Variants in EFR3A observed in about 807,000 individuals in gnomAD.
EFR3A encodes protein EFR3 homolog A.
Under a neutral mutation model 104.4 loss-of-function variants are expected in EFR3A, and 76 were observed. The observed-to-expected ratio is 0.73, with a 90% CI of 0.60 to 0.88. The LOEUF (loss-of-function observed/expected upper bound fraction) is 0.88, where lower values mean the gene tolerates loss of function less well. Among genes scored for constraint, EFR3A ranks in the 40% least tolerant of loss-of-function variants. EFR3A has a pLI of 0.00. For synonymous variants in EFR3A, 330 were observed against 330.0 expected (o/e 1.00, Z 0.00); for missense variants, 985 against 1,012.5 (o/e 0.97, Z 0.37).
intron 19 of EFR3A, among the ~76,000 whole-genome samples, chr8:131,996,722 A>G (rs1029278180): frequency 3.2e-4 from 48 of 152,200 alleles, no homozygotes; most frequent in Non-Finnish European, 5.7e-4. Flanking sequence ...CTAACATTAT[A>G]TGTTATGATG....
chr8:132,005,922 G>A (rs1822021604), intron 22 of EFR3A, among the ~76,000 whole-genome samples: 1 of 152,084 alleles, frequency 6.6e-6, no homozygotes, highest in African/African-American at 2.4e-5. Context: ...TATTGAGTAT[G>A]TTCTCTTGCC....
intron 8 of EFR3A, among the ~76,000 whole-genome samples, chr8:131,966,894 A>G (rs976352050): frequency 2.6e-5 from 4 of 152,070 alleles, no homozygotes; most frequent in African/African-American, 7.2e-5. Flanking sequence ...CTTTCACTCC[A>G]TATTCTTTTG....
chr8:132,008,007 CAT>C (rs920496970), intron 22 of EFR3A, among the ~76,000 whole-genome samples: 2 of 151,860 alleles, frequency 1.3e-5, no homozygotes, highest in Non-Finnish European at 2.9e-5. Context: ...TAAAAGAAAA[CAT>C]AGGAAAGAGT....
chr8:131,978,356 C>G lies in EFR3A; in HGVS notation c.1327-491C>G, dbSNP rs558436047. ...TACTCTTAAATGTCAAATCAAGTAA[C>G]TAAGTACAGCTTTCCAAAATGAAAA... On this transcript the variant is annotated intron_variant, in intron 12 of 22. Coordinates refer to ENST00000254624, the MANE Select transcript of EFR3A (RefSeq NM_015137.6). 1.8e-3 allele frequency among the ~76,000 whole-genome samples: 280 copies of G among 152,256 alleles called. 2 individuals are homozygous for G. The highest frequency in any genetic ancestry group is 6.5e-3 in the African/African-American group (272 of 41,568).
At chr8:132,001,134 T>C (rs1195111564) in intron 19 of EFR3A, 1 of 152,244 alleles carries the variant, frequency 6.6e-6, no homozygotes, top group Non-Finnish European at 1.5e-5. Context: ...ATTTCATACC[T>C]TTTTATGTAT....
chr8:131,908,281 C>T (rs2130367403), intron 1 of EFR3A, among the ~76,000 whole-genome samples: 1 of 152,136 alleles, frequency 6.6e-6, no homozygotes, highest in Admixed American at 6.5e-5. Flanking sequence ...AGGATGGTCT[C>T]AATCTCCTGA....
At chr8:131,968,227 T>A in intron 8 of EFR3A, 68 bp from the exon 9 acceptor site, 2 of 1,488,464 alleles carry the variant, frequency 1.3e-6, no homozygotes, top group Non-Finnish European at 1.8e-6. Flanking sequence ...GTGTTTTTTT[T>A]ATTCTTAGGA....
intron 1 of EFR3A, 134 bp downstream of exon 1, chr8:131,904,456 G>A (rs1349680824): frequency 3.3e-6 from 3 of 919,634 alleles, no homozygotes; most frequent in Non-Finnish European, 4.3e-6. Context: ...TGCGAGCGGC[G>A]GAGTTAGTTT....
chr8:131,949,393 C>T (rs1220054049), intron 4 of EFR3A, among the ~76,000 whole-genome samples: 10 of 152,048 alleles, frequency 6.6e-5, no homozygotes, highest in Non-Finnish European at 1.0e-4. Flanking sequence ...TTTCTTAATT[C>T]GAAGCTTGTG....
intron 5 of EFR3A, among the ~76,000 whole-genome samples, chr8:131,951,448 A>G (rs374211809): frequency 2.0e-5 from 3 of 152,242 alleles, no homozygotes; most frequent in African/African-American, 7.2e-5. Flanking sequence ...TTAAATGTTT[A>G]TGAGACTATT....
At chr8:131,908,064 T>C (rs1760915075) in intron 1 of EFR3A, among the ~76,000 whole-genome samples, 2 of 151,790 alleles carry the variant, frequency 1.3e-5, no homozygotes, top group Admixed American at 1.3e-4. Flanking sequence ...GAGGTTTTTT[T>C]TTTTTTCTTT....
chr8:131,918,558 A>G (rs1250929871), intron 1 of EFR3A, among the ~76,000 whole-genome samples: 1 of 152,212 alleles, frequency 6.6e-6, no homozygotes, highest in Non-Finnish European at 1.5e-5. Flanking sequence ...TAGAGAAATT[A>G]CTTAAAATAT....
chr8:131,908,057 GT>G (rs113534228), intron 1 of EFR3A, among the ~76,000 whole-genome samples: 5,990 of 144,986 alleles, frequency 0.041, 270 homozygotes, highest in African/African-American at 0.11. Flanking sequence ...AGAATTTGAG[GT>G]TTTTTTTTTT....
At chr8:131,939,266 ACCCAGC>A (rs1222504240) in intron 1 of EFR3A, among the ~76,000 whole-genome samples, 1 of 152,064 alleles carries the variant, frequency 6.6e-6, no homozygotes, top group African/African-American at 2.4e-5. Context: ...AAAGTAACGC[ACCCAGC>A]CCAGCTGGAC....
chr8:131,913,132 G>GTT lies in EFR3A; in HGVS notation c.10+8825_10+8826dup, dbSNP rs5895116. On this transcript the variant is annotated intron_variant, in intron 1 of 22. Transcript: ENST00000254624. ...GGAACTGACAGGTTTTTATTTTTCT[G>GTT]TTTTTTTTTTTTTTTTGAATGATCT... Among the ~76,000 whole-genome samples, 711 of 132,280 alleles carry GTT rather than the reference G, an allele frequency of 5.4e-3. 5 individuals carry two copies. Among genetic ancestry groups the GTT allele is most frequent in the African/African-American group, 0.019 (668 of 35,924 alleles). The allele number at this position is 132,280 out of a possible 152,430, so 86.8% of individuals were successfully genotyped here. A position where few individuals can be genotyped will look rare whatever the true frequency, so the allele number is the denominator to read the frequency against.
chr8:131,957,812 T>A (rs1819090445), intron 7 of EFR3A, among the ~76,000 whole-genome samples: 1 of 152,250 alleles, frequency 6.6e-6, no homozygotes, highest in South Asian at 2.1e-4. Flanking sequence ...AAAAGAAATT[T>A]TGAATATCAT....
chr8:131,960,971 C>T (rs948042385), intron 8 of EFR3A, among the ~76,000 whole-genome samples: 29 of 152,090 alleles, frequency 1.9e-4, no homozygotes, highest in Non-Finnish European at 3.2e-4. Flanking sequence ...GGACCTCTGG[C>T]GAACTCCCAA....
intron 9 of EFR3A, among the ~76,000 whole-genome samples, chr8:131,970,075 T>C (rs1039916287): frequency 2.0e-5 from 3 of 152,240 alleles, no homozygotes; most frequent in African/African-American, 7.2e-5. Context: ...AAAATAAATA[T>C]TTGATGCTTC....
chr8:131,960,657 C>T (rs16904561), intron 8 of EFR3A, among the ~76,000 whole-genome samples: 6,279 of 152,220 alleles, frequency 0.041, 314 homozygotes, highest in East Asian at 0.12. Context: ...ATATTTCACC[C>T]TCTCTCCATA....
Sources: gnomAD v4.1 joint callset for allele counts (sites outside exome capture counted in the v4.1 genomes callset) on GRCh38, gnomAD v4.1.1 for gene constraint, MANE v1.5 for transcripts, NCBI Gene and HGNC (gene_info 2026-07-23, HGNC 2026-07-21) for gene names.